Variants in ATP6V1H observed in about 807,000 individuals in gnomAD.
ATP6V1H encodes V-type proton ATPase subunit H.
A neutral mutation model predicts 71.7 loss-of-function variants in ATP6V1H; 39 were observed. The ratio of observed to expected loss-of-function variants is 0.54; its 90% CI spans 0.42 to 0.71. The LOEUF (loss-of-function observed/expected upper bound fraction) is 0.71. Among genes scored for constraint, ATP6V1H ranks in the 30% least tolerant of loss-of-function variants. ATP6V1H has a pLI of 0.00. For missense variants in ATP6V1H, 509 were observed against 594.9 expected, an observed-to-expected ratio of 0.86 and a Z score of 1.50; for synonymous variants, 192 against 199.3, an observed-to-expected ratio of 0.96 and a Z score of 0.31.
intron 13 of ATP6V1H, among the ~76,000 whole-genome samples, chr8:53,738,296 CAA>C (rs59924832): frequency 1.5e-4 from 15 of 100,664 alleles, no homozygotes; most frequent in Middle Eastern, 5.7e-3. Flanking sequence ...GACTCTGCCT[CAA>C]AAAAAAAAAA....
At chr8:53,748,529 G>A (rs1324134030) in intron 12 of ATP6V1H, among the ~76,000 whole-genome samples, 2 of 152,180 alleles carry the variant, frequency 1.3e-5, no homozygotes, top group African/African-American at 4.8e-5. Flanking sequence ...TGCATGCCCA[G>A]TAGTAAGATT....
At chr8:53,821,208 T>A (rs1168782870) in intron 4 of ATP6V1H, among the ~76,000 whole-genome samples, 1 of 151,208 alleles carries the variant, frequency 6.6e-6, no homozygotes. Flanking sequence ...CCATCTCTAC[T>A]AAAAATACAA....
chr8:53,726,522 T>C (rs1405185626), intron 13 of ATP6V1H, among the ~76,000 whole-genome samples: 4 of 152,220 alleles, frequency 2.6e-5, no homozygotes, highest in African/African-American at 9.7e-5. Context: ...TCTGAATAGA[T>C]ACTATTCTAC....
chr8:53,805,705 G>C (rs939788018), intron 7 of ATP6V1H, among the ~76,000 whole-genome samples: 55 of 152,098 alleles, frequency 3.6e-4, no homozygotes, highest in African/African-American at 1.3e-3. Flanking sequence ...GTACAAGAAT[G>C]TTCACAGCAA....
intron 13 of ATP6V1H, among the ~76,000 whole-genome samples, chr8:53,723,224 C>T (rs1806685077): frequency 6.6e-6 from 1 of 152,176 alleles, no homozygotes; most frequent in African/African-American, 2.4e-5. Flanking sequence ...CTAAGAATGT[C>T]AAGGATAAAC....
At chr8:53,797,135 G>A (rs1809767336) in intron 8 of ATP6V1H, among the ~76,000 whole-genome samples, 1 of 152,162 alleles carries the variant, frequency 6.6e-6, no homozygotes. Context: ...CAGTTATTAA[G>A]CCAAGCCTTC....
intron 2 of ATP6V1H, chr8:53,839,534 C>G: frequency 1.2e-6 from 1 of 868,122 alleles, no homozygotes. Flanking sequence ...ATCACTAAGA[C>G]TCTCTCAATC....
chr8:53,753,227 A>G (rs943518461), intron 12 of ATP6V1H, among the ~76,000 whole-genome samples: 1 of 152,234 alleles, frequency 6.6e-6, no homozygotes, highest in Admixed American at 6.5e-5. Context: ...AAGAATGACT[A>G]TATTGGTCCA....
intron 5 of ATP6V1H, among the ~76,000 whole-genome samples, chr8:53,815,919 A>C (rs1314132324): frequency 6.6e-6 from 1 of 152,200 alleles, no homozygotes; most frequent in Non-Finnish European, 1.5e-5. Context: ...ATTACCAAGA[A>C]GTTAACATGG....
intron 9 of ATP6V1H, among the ~76,000 whole-genome samples, chr8:53,781,002 C>T (rs1467191924): frequency 6.6e-5 from 10 of 152,144 alleles, no homozygotes; most frequent in African/African-American, 2.4e-4. Flanking sequence ...AATAAACATA[C>T]GTGTGCATGT....
intron 11 of ATP6V1H, among the ~76,000 whole-genome samples, chr8:53,768,290 T>A (rs537904267): frequency 1.3e-5 from 2 of 152,128 alleles, no homozygotes; most frequent in Non-Finnish European, 2.9e-5. Context: ...ATAATAAACG[T>A]TGGCAAAGAT....
At chr8:53,755,004 T>C (rs1807951463) in intron 12 of ATP6V1H, among the ~76,000 whole-genome samples, 1 of 152,196 alleles carries the variant, frequency 6.6e-6, no homozygotes, top group Non-Finnish European at 1.5e-5. Context: ...GGGGCTACCA[T>C]TATCTCTTCT....
In ATP6V1H at chr8:53,808,944, G is replaced by A. The variant is rs547006857; in HGVS notation, c.579+2220C>T. ...AAAACTTGTTTTATACTGACATCAAGTGGCAATAATTTGTAATGCAGTTTA... is the reference window on the plus strand; with the variant it reads ...AAAACTTGTTTTATACTGACATCAAATGGCAATAATTTGTAATGCAGTTTA... On this transcript the variant is annotated intron_variant, in intron 7 of 13. Transcript: ENST00000359530. Among the ~76,000 whole-genome samples the A allele has an allele frequency of 1.3e-4, 20 of 152,194 alleles. No homozygotes were observed. In the East Asian group the frequency reaches 2.9e-3, roughly 22 times the overall value.
intron 13 of ATP6V1H, among the ~76,000 whole-genome samples, chr8:53,736,191 C>A (rs1203782742): frequency 6.6e-6 from 1 of 152,150 alleles, no homozygotes; most frequent in Non-Finnish European, 1.5e-5. Flanking sequence ...ATATAAGTGT[C>A]CCCACTGTAC....
chr8:53,734,585 G>C (rs942913793), intron 13 of ATP6V1H, among the ~76,000 whole-genome samples: 1 of 152,156 alleles, frequency 6.6e-6, no homozygotes, highest in African/African-American at 2.4e-5. Flanking sequence ...AAGGAAAAAG[G>C]CTTGTTAAAC....
intron 4 of ATP6V1H, among the ~76,000 whole-genome samples, chr8:53,824,922 A>G (rs568073391): frequency 2.0e-4 from 31 of 152,218 alleles, no homozygotes; most frequent in Admixed American, 2.0e-4. Flanking sequence ...TCACTAAGGT[A>G]CCAAAACAGA....
At chr8:53,728,487 CT>C (rs1313796887) in intron 13 of ATP6V1H, among the ~76,000 whole-genome samples, 1 of 152,228 alleles carries the variant, frequency 6.6e-6, no homozygotes, top group South Asian at 2.1e-4. Context: ...ATTAACTCCA[CT>C]TTTTTTAACT....
chr8:53,826,457 G>C (rs1810824183), intron 4 of ATP6V1H, among the ~76,000 whole-genome samples: 2 of 152,186 alleles, frequency 1.3e-5, no homozygotes, highest in South Asian at 4.1e-4. Context: ...GGGGTACCAT[G>C]TAGCTGTCAA....
Position 53,832,985 on chromosome 8 carries a change from T to G in ATP6V1H, c.215A>C (p.Gln72Pro). Residue 72 changes from glutamine to proline, a missense_variant and splice_region_variant, in exon 3 of 14, where the codon CAG becomes CCG. Physicochemically the swap from Gln to Pro is moderately conservative, Grantham distance 76. Around this residue, in one of 2 missense-constraint regions of ATP6V1H, gnomAD observed 297 missense variants for 303.3 expected, o/e 0.98. Coordinates refer to ENST00000359530, the MANE Select transcript of ATP6V1H (RefSeq NM_015941.4). ...CATTATATAATGTTTATTCATCACC[T>G]GGCTGCCTTCAGTTTGAAGCATCTC... Reference protein sequence around the residue: ...KQEMLQTEGSQCAKTFINLMT... With the variant: ...KQEMLQTEGSPCAKTFINLMT... The G allele has an allele frequency of 6.2e-7, 1 of 1,608,108 alleles. No homozygotes were observed. Among genetic ancestry groups the G allele is most frequent in the Non-Finnish European group, 8.5e-7 (1 of 1,174,818 alleles).
Sources: allele counts gnomAD v4.1 joint callset (sites outside exome capture counted in the v4.1 genomes callset), GRCh38; gene constraint gnomAD v4.1.1; regional missense constraint gnomAD v4.1.1; transcripts MANE v1.5; gene names NCBI Gene and HGNC (gene_info 2026-07-23, HGNC 2026-07-21).